Variants in CHST13 observed in about 807,000 individuals in gnomAD.
The protein encoded by CHST13 is carbohydrate sulfotransferase 13, also known as C4ST-3.
CHST13 carries 1 observed loss-of-function variant against 7.0 expected under a neutral mutation model. That is an observed-to-expected ratio of 0.14 (90% CI 0.05 to 0.68). The LOEUF (loss-of-function observed/expected upper bound fraction) is 0.68, where lower values mean the gene tolerates loss of function less well. Ranked by LOEUF, CHST13 falls within the 30% of genes least tolerant of loss-of-function variation. The pLI is 0.82. For synonymous variants in CHST13, 257 were observed against 240.9 expected (o/e 1.07, Z -0.62); for missense variants, 572 against 507.9 (o/e 1.13, Z -1.21).
chr3:126,536,142 T>G, intron 1 of CHST13, 129 bp from the exon 2 acceptor site: 1 of 684,484 alleles, frequency 1.5e-6, no homozygotes, highest in Non-Finnish European at 2.6e-6. Flanking sequence ...CCCTAGGAGG[T>G]AGGCAAGATC....
At chr3:126,541,533 T>C (rs927044763) in intron 2 of CHST13, among the ~76,000 whole-genome samples, 200 bp from the exon 3 acceptor site, 3 of 152,148 alleles carry the variant, frequency 2.0e-5, no homozygotes, top group African/African-American at 7.2e-5. Flanking sequence ...TCAGAATCCG[T>C]TTCTCCCAAA....
intron 1 of CHST13, among the ~76,000 whole-genome samples, chr3:126,531,203 A>AC (rs904394091): frequency 5.9e-5 from 9 of 152,054 alleles, no homozygotes; most frequent in Non-Finnish European, 1.0e-4. Flanking sequence ...CTTGGGCCCC[A>AC]CCCCCCAACC....
intron 2 of CHST13, among the ~76,000 whole-genome samples, 190 bp downstream of exon 2, chr3:126,536,543 A>T (rs911633726): frequency 1.4e-4 from 22 of 152,116 alleles, no homozygotes; most frequent in Admixed American, 1.3e-4. Context: ...AGAGACCTGG[A>T]GTCTCTACCC....
chr3:126,533,515 T>G (rs1936701148), intron 1 of CHST13, among the ~76,000 whole-genome samples: 1 of 152,216 alleles, frequency 6.6e-6, no homozygotes, highest in African/African-American at 2.4e-5. Flanking sequence ...ATTAATACAG[T>G]GTATTACATT....
At chr3:126,530,637 A>G (rs1242668137) in intron 1 of CHST13, among the ~76,000 whole-genome samples, 1 of 152,174 alleles carries the variant, frequency 6.6e-6, no homozygotes, top group Admixed American at 6.5e-5. Context: ...GGAGCTCCCC[A>G]TGGTTGCTGC....
intron 1 of CHST13, among the ~76,000 whole-genome samples, chr3:126,532,877 T>C (rs1936686297): frequency 6.6e-6 from 1 of 152,208 alleles, no homozygotes; most frequent in Non-Finnish European, 1.5e-5. Flanking sequence ...CTTCACAACA[T>C]TAAGTATTCC....
At chr3:126,541,340 T>A (rs146672837) in intron 2 of CHST13, among the ~76,000 whole-genome samples, 1 of 152,172 alleles carries the variant, frequency 6.6e-6, no homozygotes, top group Non-Finnish European at 1.5e-5. Flanking sequence ...CAGTTTTCAA[T>A]TGGGTGTGGA....
chr3:126,530,274 C>G (rs1308915764), intron 1 of CHST13, among the ~76,000 whole-genome samples: 13 of 152,244 alleles, frequency 8.5e-5, no homozygotes, highest in Admixed American at 7.8e-4. Flanking sequence ...GGTACCTGCT[C>G]CCTTTTCCCT....
chr3:126,538,144 G>A (rs1289483632), intron 2 of CHST13, among the ~76,000 whole-genome samples: 1 of 152,238 alleles, frequency 6.6e-6, no homozygotes, highest in African/African-American at 2.4e-5. Flanking sequence ...ATGAGCAACA[G>A]CAGTGGCAGC....
At chr3:126,526,086 G>A (rs145629762) in intron 1 of CHST13, among the ~76,000 whole-genome samples, 225 of 152,280 alleles carry the variant, frequency 1.5e-3, no homozygotes, top group African/African-American at 5.3e-3. Flanking sequence ...AAGCGCTCTT[G>A]TACCTCTCCC....
chr3:126,533,755 T>C (rs1324008709), intron 1 of CHST13, among the ~76,000 whole-genome samples: 1 of 152,218 alleles, frequency 6.6e-6, no homozygotes, highest in African/African-American at 2.4e-5. Context: ...TGGGAAGTGT[T>C]CTCTCCTCTT....
intron 1 of CHST13, among the ~76,000 whole-genome samples, chr3:126,532,992 ACTT>A (rs1448513441): frequency 2.0e-5 from 3 of 152,058 alleles, no homozygotes; most frequent in Admixed American, 6.6e-5. Flanking sequence ...TTTGTTACCA[ACTT>A]CTTCTTTATT....
chr3:126,542,652 C>T lies in CHST13; in HGVS notation c.*74C>T, dbSNP rs1936994090. ...GACCCCCGGGGAATGCAGGTGCTGCCGGCCCCAGGACCCCTCTTCAAGAGC... is the reference window on the plus strand; with the variant it reads ...GACCCCCGGGGAATGCAGGTGCTGCTGGCCCCAGGACCCCTCTTCAAGAGC... On this transcript the variant is annotated 3_prime_UTR_variant, in exon 3 of 3. Transcript: ENST00000319340. 3.6e-6 allele frequency: 5 copies of T among 1,391,906 alleles called. No individual in the cohort carries two copies. The Admixed American group carries it at 1.1e-4, about 30-fold the overall frequency. The allele number at this position is 1,391,906 out of a possible 1,614,324, so 86.2% of individuals were successfully genotyped here.
At chr3:126,536,180 G>T in intron 1 of CHST13, 91 bp from the exon 2 acceptor site, 2 of 1,018,394 alleles carry the variant, frequency 2.0e-6, no homozygotes, top group Non-Finnish European at 3.1e-6. Flanking sequence ...GCCAGAGGTG[G>T]GTCAAATGTG....
intron 2 of CHST13, among the ~76,000 whole-genome samples, chr3:126,539,875 A>AC (rs773348104): frequency 0.43 from 259 of 606 alleles, 63 homozygotes; most frequent in South Asian, 0.69. Flanking sequence ...CACCACACAC[A>AC]CACACAAACA....
At chr3:126,529,656 CCTT>C (rs1443578134) in intron 1 of CHST13, among the ~76,000 whole-genome samples, 2 of 152,208 alleles carry the variant, frequency 1.3e-5, no homozygotes, top group African/African-American at 2.4e-5. Context: ...TGCTTTGTCT[CCTT>C]CTGTCTCTTC....
chr3:126,537,859 ACAGACAAGGACACAGG>A (rs1936830772), intron 2 of CHST13, among the ~76,000 whole-genome samples: 1 of 152,226 alleles, frequency 6.6e-6, no homozygotes, highest in Non-Finnish European at 1.5e-5. Context: ...GTCCCTGTTT[ACAGACAAGGACACAGG>A]CATGGGGAGG....
chr3:126,539,418 T>C (rs149366955), intron 2 of CHST13, among the ~76,000 whole-genome samples: 2 of 151,660 alleles, frequency 1.3e-5, no homozygotes, highest in African/African-American at 4.8e-5. Flanking sequence ...AGTGTGCACA[T>C]GTGTGCAGGA....
rs944654873 is a variant in CHST13, at chr3:126,536,260, T to C, written c.98-11T>C. 3 of 1,612,588 alleles carry C rather than the reference T, an allele frequency of 1.9e-6. No homozygotes were observed. The highest frequency in any genetic ancestry group is 2.5e-6 in the Non-Finnish European group (3 of 1,178,832). On this transcript the variant is annotated splice_polypyrimidine_tract_variant and intron_variant, in intron 1 of 2. Coordinates refer to ENST00000319340, the MANE Select transcript of CHST13 (RefSeq NM_152889.3). ...GATATGGTGGCGACATCTCTCTCCT[T>C]ATGCCCACAGCATTTGGAAACAGAG...
Sources: allele counts gnomAD v4.1 joint callset (sites outside exome capture counted in the v4.1 genomes callset), GRCh38; gene constraint gnomAD v4.1.1; transcripts MANE v1.5; gene names NCBI Gene and HGNC (gene_info 2026-07-23, HGNC 2026-07-21).